The following AFDN variants were observed in gnomAD, a reference collection of about 807,000 sequenced individuals.
AFDN encodes the protein afadin, adherens junction formation factor, also known as afadin.
AFDN carries 68 observed loss-of-function variants against 216.6 expected under a neutral mutation model. That is an observed-to-expected ratio of 0.31 (90% CI 0.26 to 0.38). AFDN has a LOEUF of 0.38. Among genes scored for constraint, AFDN ranks in the 10% least tolerant of loss-of-function variants. The pLI is 1.00. For synonymous variants in AFDN, 868 were observed against 853.7 expected (o/e 1.02, Z -0.29); for missense variants, 2,136 against 2,342.0 (o/e 0.91, Z 1.82).
intron 11 of AFDN, among the ~76,000 whole-genome samples, chr6:167,900,979 C>T (rs1455029324): frequency 6.6e-6 from 1 of 152,142 alleles, no homozygotes; most frequent in Non-Finnish European, 1.5e-5. Context: ...TTTACTCTTT[C>T]AAAAGTTACT....
intron 1 of AFDN, among the ~76,000 whole-genome samples, chr6:167,830,085 T>C (rs540764178): frequency 6.6e-6 from 1 of 152,350 alleles, no homozygotes; most frequent in South Asian, 2.1e-4. Context: ...ATGTCTTGAT[T>C]ACTATGAAAA....
chr6:167,939,746 T>A (rs1443221858), intron 23 of AFDN, among the ~76,000 whole-genome samples: 1 of 152,202 alleles, frequency 6.6e-6, no homozygotes, highest in Non-Finnish European at 1.5e-5. Context: ...AGATTATGTA[T>A]GAGGGATTAC....
chr6:167,915,913 A>T (rs1458718946), intron 19 of AFDN, among the ~76,000 whole-genome samples: 1 of 152,228 alleles, frequency 6.6e-6, no homozygotes, highest in African/African-American at 2.4e-5. Context: ...GAGATATCTC[A>T]TATATGTCAA....
Position 167,963,734 on chromosome 6 carries a change from C to T in AFDN, c.4968+1167C>T, listed in dbSNP as rs938362892. On this transcript the variant is annotated intron_variant, in intron 31 of 33. Coordinates refer to ENST00000683244, the MANE Select transcript of AFDN (RefSeq NM_001386888.1). ...TTGAAGTCCTCTCAAAGAGTTTGAG[C>T]TTTCAGGATTAGGTTCCCCTGTGAG... The T allele has an allele frequency of 8.5e-6, 9 of 1,061,510 alleles. No individual in the cohort carries two copies. In the African/African-American group the frequency reaches 1.5e-4, roughly 17 times the overall value. The allele number at this position is 1,061,510 out of a possible 1,614,324, so 65.8% of individuals were successfully genotyped here. A position where few individuals can be genotyped will look rare whatever the true frequency, so the allele number is the denominator to read the frequency against.
intron 31 of AFDN, chr6:167,964,546 T>C: frequency 9.4e-6 from 10 of 1,065,740 alleles, no homozygotes; most frequent in Non-Finnish European, 1.1e-5. Flanking sequence ...GGGCAGTAAT[T>C]GGGGCTGGCA....
At chr6:167,859,871 T>C (rs1783342997) in intron 1 of AFDN, among the ~76,000 whole-genome samples, 1 of 152,062 alleles carries the variant, frequency 6.6e-6, no homozygotes, top group Non-Finnish European at 1.5e-5. Flanking sequence ...AGTTTTTCTG[T>C]TTCAGTAATC....
chr6:167,917,893 T>C (rs1184814404), intron 20 of AFDN, among the ~76,000 whole-genome samples: 3 of 152,166 alleles, frequency 2.0e-5, no homozygotes, highest in Non-Finnish European at 4.4e-5. Flanking sequence ...TGAATTACAG[T>C]TACAACAACT....
chr6:167,827,059 C>T lies in AFDN; in HGVS notation c.-74C>T, dbSNP rs953105851. ...GCGGGGGGTGGCGAGGGGCGCCGGG[C>T]CCCCGCGGACCTGTCGTCCTCGGCC... On this transcript the variant is annotated 5_prime_UTR_variant, in exon 1 of 34. Transcript: ENST00000683244. 2.6e-5 allele frequency: 18 copies of T among 682,572 alleles called. No individual in the cohort carries two copies. The highest frequency in any genetic ancestry group is 7.2e-4 in the Middle Eastern group (1 of 1,380). The allele number at this position is 682,572 out of a possible 1,614,324, so 42.3% of individuals were successfully genotyped here.
intron 23 of AFDN, among the ~76,000 whole-genome samples, chr6:167,935,062 T>C (rs1793814642): frequency 6.6e-6 from 1 of 152,230 alleles, no homozygotes. Context: ...GTTCATTTAT[T>C]GCCATTCTCT....
chr6:167,948,524 G>GC, intron 29 of AFDN, 46 bp downstream of exon 29: 1 of 1,546,368 alleles, frequency 6.5e-7, no homozygotes, highest in Non-Finnish European at 8.9e-7. Context: ...TCTCAAGGAG[G>GC]ACACACTGAG....
intron 23 of AFDN, among the ~76,000 whole-genome samples, chr6:167,940,605 A>G (rs1212985051): frequency 4.3e-5 from 1 of 23,212 alleles, no homozygotes; most frequent in African/African-American, 2.9e-4. Flanking sequence ...GTGTGGACAG[A>G]CACAGAGGGA....
intron 1 of AFDN, among the ~76,000 whole-genome samples, chr6:167,837,802 G>A (rs887036959): frequency 2.0e-5 from 3 of 152,130 alleles, no homozygotes; most frequent in Non-Finnish European, 4.4e-5. Flanking sequence ...TAAGCACTAT[G>A]TTTGTAAAAT....
intron 21 of AFDN, among the ~76,000 whole-genome samples, chr6:167,922,049 A>G (rs1439391764): frequency 6.6e-6 from 1 of 152,220 alleles, no homozygotes; most frequent in Non-Finnish European, 1.5e-5. Context: ...TCTGTCACAC[A>G]GGACGCTCTT....
chr6:167,951,883 A>C lies in AFDN; in HGVS notation c.4529A>C (p.Glu1510Ala). The C allele has an allele frequency of 1.2e-6, 2 of 1,614,034 alleles. No individual in the cohort carries two copies. The highest frequency in any genetic ancestry group is 1.7e-6 in the Non-Finnish European group (2 of 1,179,984). Residue 1510 changes from glutamate (E) to alanine (A), a missense_variant, in exon 30 of 34, where the codon GAG (glutamate) becomes GCG (alanine). By Grantham distance (107) the Glu-to-Ala change is moderately radical. Transcript: ENST00000683244. The surrounding 1 kb of genome is among the most constrained non-coding windows in gnomAD (Gnocchi z 7.1). ...RDLQYITVSK[E>A]ELSSGDSLSP... ...TTGCAGTACATTACAGTCAGCAAAGAGGAGCTTTCCTCGGGGGACAGTCTG... is the reference window on the plus strand; with the variant it reads ...TTGCAGTACATTACAGTCAGCAAAGCGGAGCTTTCCTCGGGGGACAGTCTG...
In AFDN at chr6:167,962,993, C is replaced by G; in HGVS notation, c.4968+426C>G. 1.8e-6 allele frequency: 2 copies of G among 1,087,898 alleles called. No individual in the cohort carries two copies. Among genetic ancestry groups the G allele is most frequent in the Non-Finnish European group, 2.2e-6 (2 of 891,668 alleles). The allele number at this position is 1,087,898 out of a possible 1,614,324, so 67.4% of individuals were successfully genotyped here. A position where few individuals can be genotyped will look rare whatever the true frequency, so the allele number is the denominator to read the frequency against. On this transcript the variant is annotated intron_variant, in intron 31 of 33. Coordinates refer to ENST00000683244, the MANE Select transcript of AFDN (RefSeq NM_001386888.1). The surrounding 1 kb of genome is among the most constrained non-coding windows in gnomAD (Gnocchi z 5.2). ...GACAGTTGGCTGCCATTCAACATTTCAAATAGATGGTTTACTCAAATCACT... is the reference window on the plus strand; with the variant it reads ...GACAGTTGGCTGCCATTCAACATTTGAAATAGATGGTTTACTCAAATCACT...
rs750739274 is a variant in AFDN at position 167,918,884 on chromosome 6, A to G, written c.2859A>G (p.Arg953=). The change falls in exon 21 of 34, where the codon AGA becomes AGG. Residue 953 remains arginine, a synonymous_variant. Coordinates refer to ENST00000683244, the MANE Select transcript of AFDN (RefSeq NM_001386888.1). The stretch of plus-strand genomic sequence containing the variant: ...ATGGTTATTCTTGTGATGTTGTCAG[A>G]AACATTCCAAATGGTTTACAAGAAT... ...PEDGYSCDVV[R]NIPNGLQEFL... The G allele has an allele frequency of 6.2e-7, 1 of 1,614,082 alleles. No individual in the cohort carries two copies. Among genetic ancestry groups the G allele is most frequent in the East Asian group, 2.2e-5 (1 of 44,892 alleles).
intron 29 of AFDN, among the ~76,000 whole-genome samples, chr6:167,949,022 A>G (rs886224770): frequency 6.6e-6 from 1 of 152,226 alleles, no homozygotes; most frequent in Non-Finnish European, 1.5e-5. Flanking sequence ...AAGGGGTGGC[A>G]AGATCTAAGG....
intron 1 of AFDN, among the ~76,000 whole-genome samples, chr6:167,838,483 C>G (rs1235099385): frequency 6.6e-6 from 1 of 152,210 alleles, no homozygotes; most frequent in Non-Finnish European, 1.5e-5. Flanking sequence ...CTCTGGTTCT[C>G]CTTACTGCCA....
chr6:167,923,103 C>G lies in AFDN; in HGVS notation c.3012+144C>G, dbSNP rs73788652. 577 of 580,286 alleles carry G rather than the reference C, an allele frequency of 9.9e-4. 4 individuals carry two copies. The highest frequency in any genetic ancestry group is 9.3e-3 in the African/African-American group (486 of 52,448). The allele number at this position is 580,286 out of a possible 1,614,324, so 35.9% of individuals were successfully genotyped here. On this transcript the variant is annotated intron_variant, in intron 22 of 33. Transcript: ENST00000683244. ...TTAAATACTGATATTCAGAAATTTTCAAGCCATAATTCATATATATGTATT... is the reference window on the plus strand; with the variant it reads ...TTAAATACTGATATTCAGAAATTTTGAAGCCATAATTCATATATATGTATT...
Sources: allele counts gnomAD v4.1 joint callset (sites outside exome capture counted in the v4.1 genomes callset), GRCh38; gene constraint gnomAD v4.1.1; non-coding constraint Gnocchi (gnomAD v3.1); transcripts MANE v1.5; gene names NCBI Gene and HGNC (gene_info 2026-07-23, HGNC 2026-07-21).